Variants in ANKRD42 observed in about 807,000 individuals in gnomAD.
The protein encoded by ANKRD42 is ankyrin repeat domain-containing protein 42.
ANKRD42 carries 43 observed loss-of-function variants against 51.5 expected under a neutral mutation model. The ratio of observed to expected loss-of-function variants is 0.83; its 90% confidence interval spans 0.65 to 1.08. The LOEUF is 1.08. ANKRD42 is among the 50% of genes least tolerant of loss of function. The pLI, the probability that ANKRD42 is intolerant of heterozygous loss-of-function variation, is 0.00. For synonymous variants in ANKRD42, 203 were observed against 213.0 expected (o/e 0.95, Z 0.41); for missense variants, 608 against 629.3 (o/e 0.97, Z 0.36).
At chr11:83,198,418 T>C in intron 1 of ANKRD42, 61 bp from the exon 2 acceptor site, 1 of 1,501,684 alleles carries the variant, frequency 6.7e-7, no homozygotes, top group Non-Finnish European at 9.0e-7. Flanking sequence ...ATCACTGTTT[T>C]AGTCTTTTTT....
chr11:83,262,342 A>G (rs1863977428), downstream of ANKRD42, among the ~76,000 whole-genome samples: 1 of 152,174 alleles, frequency 6.6e-6, no homozygotes, highest in South Asian at 2.1e-4. Context: ...TAAAATATAC[A>G]TATATCTGTG....
downstream of ANKRD42, chr11:83,262,117 A>G (rs1443674120): frequency 5.5e-6 from 3 of 541,636 alleles, no homozygotes; most frequent in Non-Finnish European, 9.7e-6. Flanking sequence ...ACAATTAAGT[A>G]TGAAAGACAT....
intron 5 of ANKRD42, among the ~76,000 whole-genome samples, chr11:83,224,458 C>T (rs2135526484): frequency 6.6e-6 from 1 of 152,300 alleles, no homozygotes; most frequent in African/African-American, 2.4e-5. Context: ...CAACCATTTA[C>T]TCACTGCTTT....
downstream of ANKRD42, among the ~76,000 whole-genome samples, chr11:83,250,949 C>G (rs1320275597): frequency 1.3e-5 from 2 of 152,110 alleles, no homozygotes; most frequent in East Asian, 3.9e-4. Flanking sequence ...CCTTCCCTAT[C>G]CAAATCCATT....
intron 10 of ANKRD42, 91 bp from the exon 11 acceptor site, chr11:83,247,852 C>T: frequency 4.5e-6 from 5 of 1,121,886 alleles, no homozygotes; most frequent in African/African-American, 1.6e-5. Context: ...TTTTATTTGC[C>T]TTAAATACAA....
chr11:83,195,955 T>A (rs904801076), intron 1 of ANKRD42, among the ~76,000 whole-genome samples: 3 of 151,738 alleles, frequency 2.0e-5, no homozygotes, highest in Admixed American at 2.0e-4. Context: ...ACACCATTCT[T>A]CTGCGTCAGC....
intron 11 of ANKRD42, among the ~76,000 whole-genome samples, chr11:83,255,647 T>G (rs540148172): frequency 6.6e-6 from 1 of 152,314 alleles, no homozygotes; most frequent in African/African-American, 2.4e-5. Context: ...TGCCTCCTAG[T>G]GATATGATTC....
rs763512422 is a variant in ANKRD42 at position 83,206,061 on chromosome 11, C to G, written c.226C>G (p.Leu76Val). The change falls in exon 3 of 11, where the codon CTT (leucine) becomes GTT (valine). Residue 76 changes from leucine to valine, a missense_variant. Physicochemically the swap from Leu to Val is conservative, Grantham distance 32. Transcript: ENST00000533342. ...WAAHSGSLEC[L>V]HWLLWHGADI... ...GTTAACATGGTTATTTTCTTAGTGT[C>G]TTCATTGGCTGCTCTGGCATGGAGC... 5 of 1,612,260 alleles carry G rather than the reference C, an allele frequency of 3.1e-6. No homozygotes were observed. The African/African-American group carries it at 5.3e-5, about 17-fold the overall frequency.
At chr11:83,230,746 C>T (rs758963203) in intron 7 of ANKRD42, among the ~76,000 whole-genome samples, 1 of 152,082 alleles carries the variant, frequency 6.6e-6, no homozygotes, top group African/African-American at 2.4e-5. Context: ...GCCACCATGC[C>T]CGGCTAATTT....
intron 7 of ANKRD42, among the ~76,000 whole-genome samples, chr11:83,228,831 C>T (rs559278386): frequency 6.6e-6 from 1 of 152,178 alleles, no homozygotes; most frequent in East Asian, 1.9e-4. Context: ...TCTGTGCCCT[C>T]GATTTGGAGT....
In ANKRD42 at chr11:83,248,730, A is replaced by T. The variant is rs910170040; in HGVS notation, c.*526A>T. 9.2e-6 allele frequency: 9 copies of T among 976,176 alleles called. No homozygotes were observed. In the African/African-American group the frequency reaches 1.6e-4, roughly 17 times the overall value. The allele number at this position is 976,176 out of a possible 1,614,324, so 60.5% of individuals were successfully genotyped here. The stretch of plus-strand genomic sequence containing the variant: ...ACTTTAAAAATATTAAAATAATAAA[A>T]CATGTTTGTTGTATAGTGTTAAAAA... On this transcript the variant is annotated 3_prime_UTR_variant, in exon 11 of 11. Coordinates refer to ENST00000533342, the MANE Select transcript of ANKRD42 (RefSeq NM_001300975.2).
chr11:83,245,264 C>G (rs1453676943), intron 9 of ANKRD42, among the ~76,000 whole-genome samples: 1 of 152,214 alleles, frequency 6.6e-6, no homozygotes, highest in Non-Finnish European at 1.5e-5. Flanking sequence ...CAACCTGATA[C>G]ATGCTCCAGT....
intron 7 of ANKRD42, among the ~76,000 whole-genome samples, chr11:83,233,640 C>G (rs1863144769): frequency 6.6e-6 from 1 of 151,936 alleles, no homozygotes; most frequent in Non-Finnish European, 1.5e-5. Flanking sequence ...TTGGCTTGCT[C>G]TTGGTTTTCT....
At chr11:83,262,231 C>T (rs575227275), downstream of ANKRD42, among the ~76,000 whole-genome samples, 8 of 152,156 alleles carry the variant, frequency 5.3e-5, no homozygotes, top group African/African-American at 1.4e-4. Context: ...AAATCATTAA[C>T]GCTAGCATTA....
chr11:83,218,735 AG>A (rs887579328), intron 5 of ANKRD42, among the ~76,000 whole-genome samples: 12 of 151,772 alleles, frequency 7.9e-5, no homozygotes, highest in African/African-American at 2.9e-4. Flanking sequence ...GTGGGGGAGG[AG>A]AGTGGGGCTG....
chr11:83,246,835 A>G (rs1354268284), intron 10 of ANKRD42, among the ~76,000 whole-genome samples: 1 of 152,208 alleles, frequency 6.6e-6, no homozygotes, highest in African/African-American at 2.4e-5. Flanking sequence ...GAAAGAAAAT[A>G]AAAAATAATA....
chr11:83,228,233 T>G (rs7934035), intron 7 of ANKRD42, among the ~76,000 whole-genome samples: 2 of 30,748 alleles, frequency 6.5e-5, no homozygotes, highest in African/African-American at 1.8e-4. Context: ...CTCTCTCTCT[T>G]TTTTTTTTTT....
intron 5 of ANKRD42, chr11:83,214,474 A>G (rs1388922326): frequency 2.0e-6 from 2 of 978,996 alleles, no homozygotes; most frequent in Non-Finnish European, 2.4e-6. Context: ...TTCTTTAAAC[A>G]TGTATGATTA....
At chr11:83,229,729 C>T (rs930990559) in intron 7 of ANKRD42, among the ~76,000 whole-genome samples, 1 of 152,130 alleles carries the variant, frequency 6.6e-6, no homozygotes, top group African/African-American at 2.4e-5. Context: ...ACCCTCTTTT[C>T]GTGAGTCCAT....
Sources: gnomAD v4.1 joint callset for allele counts (sites outside exome capture counted in the v4.1 genomes callset) on GRCh38, gnomAD v4.1.1 for gene constraint, MANE v1.5 for transcripts, NCBI Gene and HGNC (gene_info 2026-07-23, HGNC 2026-07-21) for gene names.